The following RANBP2 variants were observed in gnomAD, a reference collection of about 807,000 sequenced individuals.
RANBP2 encodes E3 SUMO-protein ligase RanBP2.
RANBP2 carries 57 observed loss-of-function variants against 303.6 expected under a neutral mutation model. The ratio of observed to expected loss-of-function variants is 0.19; its 90% CI spans 0.15 to 0.23. The LOEUF is 0.23. Among genes scored for constraint, RANBP2 ranks in the 10% least tolerant of loss-of-function variants. RANBP2 has a pLI of 1.00. For missense variants in RANBP2, 3,138 were observed against 3,780.8 expected, an observed-to-expected ratio of 0.83 and a Z score of 4.46; for synonymous variants, 1,167 against 1,301.5, an observed-to-expected ratio of 0.90 and a Z score of 2.23.
At chr2:109,290,898 T>G in the RANBP2 span, among the ~76,000 whole-genome samples, 3 of 152,264 alleles carry the variant, frequency 2.0e-5, no homozygotes, top group East Asian at 5.8e-4. Context: ...CTCTTCCTGT[T>G]TTGCCAGATG....
intron 7 of RANBP2, among the ~76,000 whole-genome samples, chr2:108,742,536 C>T (rs1360687494): frequency 6.6e-6 from 1 of 151,522 alleles, no homozygotes; most frequent in African/African-American, 2.4e-5. Flanking sequence ...GATCTTCTGA[C>T]CTCGCGATCC....
the RANBP2 span, among the ~76,000 whole-genome samples, chr2:109,012,782 C>T: frequency 5.9e-5 from 9 of 152,054 alleles, no homozygotes; most frequent in East Asian, 1.9e-4. Flanking sequence ...GGCGTGTTGG[C>T]GGGAGCCTGT....
the RANBP2 span, among the ~76,000 whole-genome samples, chr2:109,311,693 C>G: frequency 1.3e-5 from 2 of 152,306 alleles, no homozygotes; most frequent in South Asian, 4.1e-4. Flanking sequence ...GCCTTTCTGA[C>G]TGATGTACCC....
the RANBP2 span, among the ~76,000 whole-genome samples, chr2:109,531,921 A>C: frequency 2.6e-5 from 4 of 152,270 alleles, no homozygotes; most frequent in African/African-American, 9.6e-5. Context: ...AACCTCATGT[A>C]TAGAAATTGA....
the RANBP2 span, among the ~76,000 whole-genome samples, chr2:109,275,039 A>G: frequency 6.6e-5 from 10 of 152,356 alleles, no homozygotes; most frequent in South Asian, 6.2e-4. Context: ...ATAGATTACC[A>G]TAATGTAAAA....
chr2:109,463,128 G>C, the RANBP2 span, among the ~76,000 whole-genome samples: 1 of 152,142 alleles, frequency 6.6e-6, no homozygotes, highest in African/African-American at 2.4e-5. Context: ...TTGATTGAAG[G>C]GTTGTGACTC....
the RANBP2 span, chr2:109,130,072 C>A: frequency 7.3e-7 from 1 of 1,367,090 alleles, no homozygotes; most frequent in East Asian, 3.1e-5. Flanking sequence ...CGCCGGCAGT[C>A]TGCGGGAGCT....
chr2:109,408,401 C>T, the RANBP2 span, among the ~76,000 whole-genome samples: 3 of 152,364 alleles, frequency 2.0e-5, no homozygotes, highest in Admixed American at 6.5e-5. Flanking sequence ...GACTGCCTCA[C>T]CCTCCCTCTG....
At chr2:108,865,752 C>T in the RANBP2 span, among the ~76,000 whole-genome samples, 46 of 152,272 alleles carry the variant, frequency 3.0e-4, no homozygotes, top group African/African-American at 1.1e-3. Context: ...CTCCCCTATC[C>T]ATTCCCAGGT....
At chr2:108,738,519 C>A (rs1479976195) in intron 6 of RANBP2, among the ~76,000 whole-genome samples, 3 of 151,826 alleles carry the variant, frequency 2.0e-5, no homozygotes, top group Non-Finnish European at 4.4e-5. Flanking sequence ...GCCACTGCAC[C>A]CGGCTGTATG....
the RANBP2 span, among the ~76,000 whole-genome samples, chr2:109,554,857 C>T: frequency 6.6e-6 from 1 of 152,122 alleles, no homozygotes. Context: ...ATATGGAGTA[C>T]TAGAGTCACT....
At chr2:109,679,184 G>A in the RANBP2 span, among the ~76,000 whole-genome samples, 1 of 152,194 alleles carries the variant, frequency 6.6e-6, no homozygotes, top group Non-Finnish European at 1.5e-5. Flanking sequence ...TGCAAAAAAT[G>A]TGGCACTAAA....
At chr2:109,379,389 G>A in the RANBP2 span, among the ~76,000 whole-genome samples, 2 of 152,152 alleles carry the variant, frequency 1.3e-5, no homozygotes, top group East Asian at 1.9e-4. Flanking sequence ...ACAACCAAAC[G>A]CCAAAGCCCG....
chr2:109,055,983 C>T, the RANBP2 span, among the ~76,000 whole-genome samples: 1 of 151,970 alleles, frequency 6.6e-6, no homozygotes, highest in African/African-American at 2.4e-5. Context: ...TGGTCTTGAA[C>T]TCCTGATCTC....
At chr2:109,122,036 G>C in the RANBP2 span, among the ~76,000 whole-genome samples, 1 of 152,202 alleles carries the variant, frequency 6.6e-6, no homozygotes, top group African/African-American at 2.4e-5. Flanking sequence ...TACTCAAGGA[G>C]CTCAGGTTCA....
At chr2:108,793,376 C>T in the RANBP2 span, among the ~76,000 whole-genome samples, 20 of 151,866 alleles carry the variant, frequency 1.3e-4, no homozygotes, top group African/African-American at 4.6e-4. Flanking sequence ...TGACCGAGAG[C>T]ATTTTATACT....
the RANBP2 span, among the ~76,000 whole-genome samples, chr2:109,200,579 G>A: frequency 1.3e-5 from 2 of 152,250 alleles, no homozygotes; most frequent in Non-Finnish European, 2.9e-5. Flanking sequence ...TCTAGGCACC[G>A]CCGACCTTTT....
At chr2:108,721,286 TAC>T (rs1300294750) in intron 1 of RANBP2, among the ~76,000 whole-genome samples, 1 of 152,184 alleles carries the variant, frequency 6.6e-6, no homozygotes, top group Non-Finnish European at 1.5e-5. Context: ...TGGAGTAAGT[TAC>T]AGTCTATTCC....
the RANBP2 span, among the ~76,000 whole-genome samples, chr2:109,240,674 A>G: frequency 6.6e-6 from 1 of 152,112 alleles, no homozygotes; most frequent in Non-Finnish European, 1.5e-5. Context: ...CGAACCAGAG[A>G]GGCCATTAGG....
Sources: allele counts gnomAD v4.1 joint callset (sites outside exome capture counted in the v4.1 genomes callset), GRCh38; gene constraint gnomAD v4.1.1; transcripts MANE v1.5; gene names NCBI Gene and HGNC (gene_info 2026-07-23, HGNC 2026-07-21).